SAMD13: variants seen among roughly 807,000 people sequenced by gnomAD.
SAMD13 encodes the protein sterile alpha motif domain-containing protein 13.
In SAMD13, 9 loss-of-function variants were observed where a neutral mutation model predicts 12.4. The ratio of observed to expected loss-of-function variants is 0.72; its 90% CI spans 0.44 to 1.26. The LOEUF is 1.26. Among genes scored for constraint, SAMD13 ranks in the 50% most tolerant of loss-of-function variants. SAMD13 has a pLI of 0.00. For synonymous variants in SAMD13, 46 were observed against 45.4 expected (o/e 1.01, Z -0.05); for missense variants, 84 against 119.6 (o/e 0.70, Z 1.39).
intron 3 of SAMD13, among the ~76,000 whole-genome samples, chr1:84,336,504 T>C (rs1404888969): frequency 2.0e-5 from 3 of 148,620 alleles, no homozygotes; most frequent in Non-Finnish European, 4.5e-5. Context: ...GGGGAACTCC[T>C]CTTTTTAAAA....
At chr1:84,318,825 C>T (rs1181998339) in intron 2 of SAMD13, among the ~76,000 whole-genome samples, 5 of 152,106 alleles carry the variant, frequency 3.3e-5, no homozygotes, top group Non-Finnish European at 4.4e-5. Context: ...TTATTCCCTT[C>T]AATTAAATGA....
In SAMD13 at chr1:84,308,203, G is replaced by T. The variant is rs371659992; in HGVS notation, c.53+4916G>T. Among the ~76,000 whole-genome samples the T allele has an allele frequency of 3.2e-4, 49 of 152,174 alleles. No homozygotes were observed. In the East Asian group the frequency reaches 5.0e-3, roughly 16 times the overall value. On this transcript the variant is annotated intron_variant, in intron 2 of 3. Transcript: ENST00000394834. ...TGTTTTAGTTAGAAGAGTAAATATT[G>T]CCCCCATTACTCCATCTTGACTGGA...
At chr1:84,347,326 C>G (rs1393138456) in intron 3 of SAMD13, among the ~76,000 whole-genome samples, 1 of 152,074 alleles carries the variant, frequency 6.6e-6, no homozygotes, top group African/African-American at 2.4e-5. Context: ...TTTTACCAAC[C>G]CTGGTCTGAG....
At chr1:84,299,655 G>GTATATA (rs1678400555), upstream of SAMD13, 7 of 891,332 alleles carry the variant, frequency 7.9e-6, no homozygotes, top group East Asian at 3.8e-5. Flanking sequence ...GTGAGTACTA[G>GTATATA]TGTATATATA....
At chr1:84,317,054 A>T (rs939079928) in intron 2 of SAMD13, among the ~76,000 whole-genome samples, 11 of 152,086 alleles carry the variant, frequency 7.2e-5, no homozygotes, top group Admixed American at 5.9e-4. Context: ...TGATTTTTGT[A>T]TCCTGCAACT....
intron 1 of SAMD13, 40 bp from the exon 2 acceptor site, chr1:84,303,163 T>C (rs1452388546): frequency 6.9e-7 from 1 of 1,451,938 alleles, no homozygotes; most frequent in Non-Finnish European, 9.7e-7. Context: ...TCTCTCACTT[T>C]CTAAGAATTA....
rs1368777571 is a variant in SAMD13, at chr1:84,325,732, G to A, written c.149G>A (p.Ser50Asn). Residue 50 changes from serine to asparagine, a missense_variant, in exon 3 of 4, where the codon AGT becomes AAT. Coordinates refer to ENST00000394834, the MANE Select transcript of SAMD13 (RefSeq NM_001134663.2). ...ACCGTGGGATTTGAGGAGCAAGCTA[G>A]TGCTTTTCAGGAACAGGTAACTTGG... ...FRTVGFEEQA[S>N]AFQEQEIDGK... is the part of the protein sequence containing the mutation. 2.5e-6 allele frequency: 4 copies of A among 1,609,518 alleles called. No homozygotes were observed. The highest frequency in any genetic ancestry group is 3.4e-6 in the Non-Finnish European group (4 of 1,175,954).
Position 84,350,683 on chromosome 1 carries a change from T to G in SAMD13, c.*909T>G, listed in dbSNP as rs1053784624. 2.0e-5 allele frequency: 3 copies of G among 152,700 alleles called. No individual in the cohort carries two copies. The highest frequency in any genetic ancestry group is 2.0e-4 in the Admixed American group (3 of 15,286). 9.5% of individuals were successfully genotyped at this position (152,700 alleles called of 1,614,324 possible). A position where few individuals can be genotyped will look rare whatever the true frequency, so the allele number is the denominator to read the frequency against. ...GGGTTAAGTACTTGTTTTTAAGAGC[T>G]TGGAAAAAGTGGGCTTGCTACATCT... On this transcript the variant is annotated 3_prime_UTR_variant, in exon 4 of 4. Coordinates refer to ENST00000394834, the MANE Select transcript of SAMD13 (RefSeq NM_001134663.2).
intron 2 of SAMD13, among the ~76,000 whole-genome samples, chr1:84,314,763 G>T (rs1312816728): frequency 6.6e-6 from 1 of 152,120 alleles, no homozygotes; most frequent in East Asian, 1.9e-4. Flanking sequence ...CCAAGACATT[G>T]TAAGTGGCTA....
intron 3 of SAMD13, among the ~76,000 whole-genome samples, chr1:84,341,387 G>A (rs1679421040): frequency 6.6e-6 from 1 of 152,074 alleles, no homozygotes; most frequent in Admixed American, 6.6e-5. Flanking sequence ...AATGGGAGAG[G>A]GCAATGACCA....
At position 84,345,020 on chromosome 1, in the gene SAMD13, C is replaced by T; in HGVS notation, c.166-4611C>T. 1.1e-5 allele frequency: 5 copies of T among 456,692 alleles called. 1 individual carries two copies. Among genetic ancestry groups the T allele is most frequent in the South Asian group, 6.2e-5 (4 of 64,562 alleles). The allele number at this position is 456,692 out of a possible 1,614,324, so 28.3% of individuals were successfully genotyped here. ...TGGGTAAAGCCAGGAGATTCCACTC[C>T]TCCATCTTTGATGTGGCTCCCATAT... is the stretch of plus-strand genomic sequence containing the variant. On this transcript the variant is annotated intron_variant, in intron 3 of 3. Transcript: ENST00000394834.
At position 84,312,548 on chromosome 1, in the gene SAMD13, A is replaced by G. The variant is rs185533397; in HGVS notation, c.53+9261A>G. Among the ~76,000 whole-genome samples, 406 of 152,224 alleles carry G rather than the reference A, an allele frequency of 2.7e-3. 2 individuals are homozygous for G. Among genetic ancestry groups the G allele is most frequent in the African/African-American group, 8.5e-3 (355 of 41,554 alleles). ...TCCATAAGCGTTCAACAAACATATT[A>G]CAGTGTTACCTGGGTGAATAGGAAA... On this transcript the variant is annotated intron_variant, in intron 2 of 3. Transcript: ENST00000394834.
chr1:84,334,014 C>CT (rs1558458188), intron 3 of SAMD13, among the ~76,000 whole-genome samples: 1 of 151,968 alleles, frequency 6.6e-6, no homozygotes, highest in African/African-American at 2.4e-5. Context: ...CTGAAGTTTT[C>CT]TTTTTTTGTT....
rs1678749301 is a variant in SAMD13 at position 84,313,040 on chromosome 1, TTATTTC to T, written c.53+9754_53+9759del. Reference sequence around the variant, plus strand: ...TTTTACCTAGTAGGTTCATGAGTATTTATTTCATTATTAAAAATAGCTACCTAAATA... The same window carrying T: ...TTTTACCTAGTAGGTTCATGAGTATTATTATTAAAAATAGCTACCTAAATA... On this transcript the variant is annotated intron_variant, in intron 2 of 3. Coordinates refer to ENST00000394834, the MANE Select transcript of SAMD13 (RefSeq NM_001134663.2). Among the ~76,000 whole-genome samples the T allele has an allele frequency of 2.0e-5, 3 of 152,148 alleles. No individual in the cohort carries two copies. In the South Asian group the frequency reaches 6.2e-4, roughly 32 times the overall value.
intron 2 of SAMD13, chr1:84,303,509 G>A: frequency 5.0e-6 from 2 of 400,836 alleles, no homozygotes; most frequent in Non-Finnish European, 9.4e-6. Flanking sequence ...TATATGAAAG[G>A]TTTGTGTATC....
At chr1:84,344,062 T>G (rs975763025) in intron 3 of SAMD13, among the ~76,000 whole-genome samples, 4 of 148,444 alleles carry the variant, frequency 2.7e-5, no homozygotes, top group Non-Finnish European at 5.9e-5. Flanking sequence ...CAGGTTTTTG[T>G]TTTTTGTTTT....
chr1:84,326,747 C>T (rs1679069655), intron 3 of SAMD13, among the ~76,000 whole-genome samples: 1 of 152,098 alleles, frequency 6.6e-6, no homozygotes. Context: ...GTTCCATATC[C>T]CTTCAGCCAT....
intron 3 of SAMD13, among the ~76,000 whole-genome samples, chr1:84,344,439 A>G (rs1487471745): frequency 6.6e-6 from 1 of 152,146 alleles, no homozygotes; most frequent in East Asian, 1.9e-4. Context: ...TTGAGCTCAT[A>G]GTCACTCCAC....
intron 3 of SAMD13, among the ~76,000 whole-genome samples, chr1:84,327,493 A>T (rs1679083492): frequency 1.3e-5 from 2 of 152,142 alleles, no homozygotes; most frequent in Non-Finnish European, 2.9e-5. Context: ...TGATGGTAAC[A>T]TTCTGTATCT....
Sources: allele counts gnomAD v4.1 joint callset (sites outside exome capture counted in the v4.1 genomes callset), GRCh38; gene constraint gnomAD v4.1.1; transcripts MANE v1.5; gene names NCBI Gene and HGNC (gene_info 2026-07-23, HGNC 2026-07-21).